ZFAND3: variants seen among roughly 807,000 people sequenced by gnomAD.
ZFAND3 encodes AN1-type zinc finger protein 3.
In ZFAND3, 10 loss-of-function variants were observed where a neutral mutation model predicts 29.6. The observed-to-expected ratio is 0.34, with a 90% CI of 0.21 to 0.57. ZFAND3 has a LOEUF of 0.57. Among genes scored for constraint, ZFAND3 ranks in the 20% least tolerant of loss-of-function variants. The pLI is 0.86. For synonymous variants in ZFAND3, 128 were observed against 112.6 expected (o/e 1.14, Z -0.87); for missense variants, 230 against 304.5 (o/e 0.76, Z 1.82).
At chr6:38,021,753 T>C (rs923692894) in intron 2 of ZFAND3, among the ~76,000 whole-genome samples, 2 of 152,180 alleles carry the variant, frequency 1.3e-5, no homozygotes, top group Non-Finnish European at 2.9e-5. Flanking sequence ...TTATATAACC[T>C]TAGATTTCCT....
At chr6:38,119,144 C>G (rs1310509551) in intron 5 of ZFAND3, among the ~76,000 whole-genome samples, 1 of 152,116 alleles carries the variant, frequency 6.6e-6, no homozygotes, top group Non-Finnish European at 1.5e-5. Context: ...CGACTGTCAC[C>G]CTTCAAAAGA....
At chr6:37,990,744 T>A (rs1473503991) in intron 2 of ZFAND3, among the ~76,000 whole-genome samples, 1 of 152,184 alleles carries the variant, frequency 6.6e-6, no homozygotes, top group Non-Finnish European at 1.5e-5. Context: ...CTTAAGCACG[T>A]TTCAGTTCAG....
chr6:38,000,147 T>C (rs948801232), intron 2 of ZFAND3, among the ~76,000 whole-genome samples: 2 of 152,176 alleles, frequency 1.3e-5, no homozygotes, highest in African/African-American at 2.4e-5. Flanking sequence ...CAAATTCAGA[T>C]ACCAAACAAA....
chr6:38,089,379 C>T (rs1258835396), intron 4 of ZFAND3, among the ~76,000 whole-genome samples: 2 of 152,144 alleles, frequency 1.3e-5, no homozygotes, highest in Admixed American at 6.5e-5. Context: ...CCACCTGCCT[C>T]GGCCTCCCAA....
intron 2 of ZFAND3, among the ~76,000 whole-genome samples, chr6:37,947,678 A>G (rs1227286297): frequency 6.6e-6 from 1 of 152,170 alleles, no homozygotes; most frequent in Non-Finnish European, 1.5e-5. Context: ...ATACTTCTCC[A>G]TATTTATGAT....
intron 3 of ZFAND3, among the ~76,000 whole-genome samples, chr6:38,066,986 A>G (rs1257860755): frequency 6.6e-6 from 1 of 152,194 alleles, no homozygotes; most frequent in Non-Finnish European, 1.5e-5. Context: ...GCCTTTTCCA[A>G]AAATATGTAA....
At chr6:37,940,204 A>G (rs1007971828) in intron 2 of ZFAND3, among the ~76,000 whole-genome samples, 2 of 152,194 alleles carry the variant, frequency 1.3e-5, no homozygotes, top group Non-Finnish European at 2.9e-5. Context: ...TAGACTCAGA[A>G]AAGCACGGGA....
At chr6:37,941,470 A>G (rs1351326769) in intron 2 of ZFAND3, among the ~76,000 whole-genome samples, 1 of 152,190 alleles carries the variant, frequency 6.6e-6, no homozygotes, top group African/African-American at 2.4e-5. Flanking sequence ...AGGTGTGCAT[A>G]TGTGGTGGGG....
intron 1 of ZFAND3, among the ~76,000 whole-genome samples, chr6:37,826,835 G>T (rs1763769549): frequency 6.6e-6 from 1 of 152,106 alleles, no homozygotes; most frequent in Admixed American, 6.5e-5. Flanking sequence ...GCCATTAGCT[G>T]TAAGTAATAA....
At chr6:37,923,884 C>G (rs1048719894) in intron 1 of ZFAND3, among the ~76,000 whole-genome samples, 48 of 152,138 alleles carry the variant, frequency 3.2e-4, no homozygotes, top group African/African-American at 1.1e-3. Context: ...CATACAACAA[C>G]CAATACTGTA....
At chr6:37,909,513 C>CG in intron 1 of ZFAND3, among the ~76,000 whole-genome samples, 1 of 152,006 alleles carries the variant, frequency 6.6e-6, no homozygotes, top group East Asian at 1.9e-4. Context: ...CTCCTTACCT[C>CG]AGGTGATCCA....
intron 1 of ZFAND3, among the ~76,000 whole-genome samples, chr6:37,870,905 C>T (rs2076039807): frequency 6.6e-6 from 1 of 152,138 alleles, no homozygotes; most frequent in South Asian, 2.1e-4. Flanking sequence ...TCTGTTTTAG[C>T]AGTTTTGTCT....
chr6:38,021,517 G>A (rs1763348587), intron 2 of ZFAND3, among the ~76,000 whole-genome samples: 1 of 152,002 alleles, frequency 6.6e-6, no homozygotes. Context: ...AGGTGGAACC[G>A]GAGGAAAAAA....
intron 1 of ZFAND3, among the ~76,000 whole-genome samples, chr6:37,865,334 A>G (rs935317503): frequency 6.6e-6 from 1 of 152,212 alleles, no homozygotes; most frequent in Non-Finnish European, 1.5e-5. Flanking sequence ...TAATGACAAG[A>G]AAAAAGATCT....
In ZFAND3 at chr6:38,046,907, C is replaced by G. The variant is rs887771616; in HGVS notation, c.113-14686C>G. 2.0e-5 allele frequency among the ~76,000 whole-genome samples: 3 copies of G among 151,874 alleles called. No individual in the cohort carries two copies. The East Asian group carries it at 5.8e-4, about 29-fold the overall frequency. ...ACGCTATTACAGAATTTAGTACAGC[C>G]TGGTAGAAAGTTCAGTTGATACCCC... On this transcript the variant is annotated intron_variant, in intron 2 of 5. Transcript: ENST00000287218.
intron 4 of ZFAND3, among the ~76,000 whole-genome samples, chr6:38,091,788 G>A (rs1217938648): frequency 6.6e-6 from 1 of 151,690 alleles, no homozygotes. Context: ...TAATAGGTGG[G>A]TGCCGAAGTG....
intron 2 of ZFAND3, among the ~76,000 whole-genome samples, chr6:37,999,070 A>C (rs550682263): frequency 1.3e-5 from 2 of 152,302 alleles, no homozygotes; most frequent in African/African-American, 4.8e-5. Context: ...GGAGTAGGAA[A>C]TATATAAATT....
At chr6:38,131,854 A>G (rs1765748553) in intron 5 of ZFAND3, among the ~76,000 whole-genome samples, 1 of 152,232 alleles carries the variant, frequency 6.6e-6, no homozygotes, top group South Asian at 2.1e-4. Context: ...ATTAGGGGAA[A>G]GCCCTTTTGG....
chr6:37,983,746 T>C (rs2127433344), intron 2 of ZFAND3, among the ~76,000 whole-genome samples: 1 of 152,286 alleles, frequency 6.6e-6, no homozygotes, highest in East Asian at 1.9e-4. Flanking sequence ...CTTTGTTTTA[T>C]AATTGCCCAC....
Sources: gnomAD v4.1 joint callset for allele counts (sites outside exome capture counted in the v4.1 genomes callset) on GRCh38, gnomAD v4.1.1 for gene constraint, MANE v1.5 for transcripts, NCBI Gene and HGNC (gene_info 2026-07-23, HGNC 2026-07-21) for gene names.